Variants in SUSD1 observed in about 807,000 individuals in gnomAD.
The protein encoded by SUSD1 is sushi domain containing 1.
SUSD1 carries 65 observed loss-of-function variants against 86.9 expected under a neutral mutation model. The observed-to-expected ratio is 0.75, with a 90% CI of 0.61 to 0.92. SUSD1 has a LOEUF of 0.92. SUSD1 is among the 40% of genes least tolerant of loss of function. The pLI is 0.00. For synonymous variants in SUSD1, 346 were observed against 350.0 expected (o/e 0.99, Z 0.13); for missense variants, 850 against 929.7 (o/e 0.91, Z 1.11).
At chr9:112,148,566 C>A (rs530078543) in intron 3 of SUSD1, among the ~76,000 whole-genome samples, 10 of 152,100 alleles carry the variant, frequency 6.6e-5, no homozygotes, top group Non-Finnish European at 1.3e-4. Context: ...TTACAGGAAC[C>A]TGCAGGAGGC....
At chr9:112,044,487 G>A (rs1827873158) in intron 15 of SUSD1, among the ~76,000 whole-genome samples, 1 of 152,242 alleles carries the variant, frequency 6.6e-6, no homozygotes, top group South Asian at 2.1e-4. Context: ...GCCTGGCACA[G>A]AATAAGCAAT....
At chr9:112,161,440 T>G (rs1234676811) in intron 1 of SUSD1, among the ~76,000 whole-genome samples, 2 of 151,678 alleles carry the variant, frequency 1.3e-5, no homozygotes, top group Non-Finnish European at 2.9e-5. Context: ...TTCTAAATAA[T>G]GGATCCTGGG....
At chr9:112,099,439 A>AG (rs1830535415) in intron 9 of SUSD1, among the ~76,000 whole-genome samples, 2 of 152,068 alleles carry the variant, frequency 1.3e-5, no homozygotes, top group Non-Finnish European at 1.5e-5. Flanking sequence ...TACCCATGGA[A>AG]GAAAAAAAAA....
rs868022554 is a variant in SUSD1, at chr9:112,056,981, C to A, written c.2109+1447G>T. On this transcript the variant is annotated intron_variant, in intron 14 of 16. Transcript: ENST00000374270. ...CACCACCCAACCCCTGCCCCAAATT[C>A]AAATGTCGAAGCCCTAACCTACAAT... Among the ~76,000 whole-genome samples, 3 of 152,286 alleles carry A rather than the reference C, an allele frequency of 2.0e-5. No individual in the cohort carries two copies. In the South Asian group the frequency reaches 6.2e-4, roughly 32 times the overall value.
chr9:112,126,381 G>T (rs1831773460), intron 5 of SUSD1, among the ~76,000 whole-genome samples: 1 of 152,164 alleles, frequency 6.6e-6, no homozygotes, highest in African/African-American at 2.4e-5. Context: ...AACTAGATTG[G>T]CTTCCATCTT....
intron 2 of SUSD1, among the ~76,000 whole-genome samples, chr9:112,156,792 T>C (rs1833347548): frequency 1.3e-5 from 2 of 152,108 alleles, no homozygotes; most frequent in Non-Finnish European, 2.9e-5. Context: ...AACTGTAAGG[T>C]AAAACCATCA....
chr9:112,072,861 C>A (rs767775141), intron 12 of SUSD1, among the ~76,000 whole-genome samples: 1 of 152,244 alleles, frequency 6.6e-6, no homozygotes, highest in Non-Finnish European at 1.5e-5. Flanking sequence ...GGCATGAAGG[C>A]CAGTCCCTCT....
chr9:112,120,634 G>T (rs1831513837), intron 6 of SUSD1, among the ~76,000 whole-genome samples: 1 of 152,216 alleles, frequency 6.6e-6, no homozygotes, highest in Non-Finnish European at 1.5e-5. Flanking sequence ...ATCAAAGCTT[G>T]CATAAACCCA....
At chr9:112,065,985 A>C (rs10759523) in intron 12 of SUSD1, among the ~76,000 whole-genome samples, 107,140 of 152,104 alleles carry the variant, frequency 0.7, 38,878 homozygotes, top group African/African-American at 0.89. Context: ...TTCAACAAAT[A>C]CTCACAGCAG....
chr9:112,052,084 A>G lies in SUSD1; in HGVS notation c.2149+315T>C. On this transcript the variant is annotated intron_variant, in intron 15 of 16. Coordinates refer to ENST00000374270, the MANE Select transcript of SUSD1 (RefSeq NM_022486.5). ...CTCCCTCTCACATGTCCTACAGTAG[A>G]AGAAAACGAAGCCAAGTGACTCTTA... 5.5e-6 allele frequency: 7 copies of G among 1,263,312 alleles called. No individual in the cohort carries two copies. The South Asian group carries it at 8.0e-5, about 14-fold the overall frequency. 78.3% of individuals were successfully genotyped at this position (1,263,312 alleles called of 1,614,324 possible).
intron 5 of SUSD1, among the ~76,000 whole-genome samples, chr9:112,141,879 G>A (rs1271177475): frequency 7.3e-6 from 1 of 137,414 alleles, no homozygotes; most frequent in East Asian, 2.4e-4. Context: ...ATATATGTGT[G>A]TGTATATATA....
At chr9:112,052,924 G>C (rs1397479402) in intron 14 of SUSD1, among the ~76,000 whole-genome samples, 2 of 152,176 alleles carry the variant, frequency 1.3e-5, no homozygotes, top group African/African-American at 4.8e-5. Flanking sequence ...ATGTGTCCAT[G>C]AACCGGGAAG....
At chr9:112,147,509 G>A (rs563276431) in intron 3 of SUSD1, among the ~76,000 whole-genome samples, 6 of 147,982 alleles carry the variant, frequency 4.1e-5, no homozygotes, top group South Asian at 4.3e-4. Flanking sequence ...AGTGGCTCAC[G>A]CCTGTAATCC....
At position 112,175,248 on chromosome 9, in the gene SUSD1, C is replaced by A; in HGVS notation, c.-13G>T. The A allele has an allele frequency of 1.7e-6, 2 of 1,150,844 alleles. No individual in the cohort carries two copies. The highest frequency in any genetic ancestry group is 8.5e-5 in the South Asian group (2 of 23,522). The allele number at this position is 1,150,844 out of a possible 1,614,324, so 71.3% of individuals were successfully genotyped here. A position where few individuals can be genotyped will look rare whatever the true frequency, so the allele number is the denominator to read the frequency against. ...GCCCCCGGCCCATGCCGCCGCCGGTCCCTCCCGGCGCGCCCGCGCCTCCTC... is the reference window on the plus strand; with the variant it reads ...GCCCCCGGCCCATGCCGCCGCCGGTACCTCCCGGCGCGCCCGCGCCTCCTC... On this transcript the variant is annotated 5_prime_UTR_variant, in exon 1 of 17. Coordinates refer to ENST00000374270, the MANE Select transcript of SUSD1 (RefSeq NM_022486.5). The surrounding 1 kb of genome is among the most constrained non-coding windows in gnomAD (Gnocchi z 4.7).
At position 112,098,593 on chromosome 9, in the gene SUSD1, TC is replaced by T; in HGVS notation, c.1350del (p.Arg451GlyfsTer6). The T allele has an allele frequency of 6.2e-7, 1 of 1,614,196 alleles. No homozygotes were observed. The highest frequency in any genetic ancestry group is 1.1e-5 in the South Asian group (1 of 91,086). ...FSHATSFNFTTREQVPVVCLD... is the reference protein window; with the variant it reads ...FSHATSFNFTXREQVPVVCLD... ...AAACACACTACAGGCACTTGTTCCC[TC>T]GTTGTGAAGTTAAACGATGTTGCAT... On this transcript the variant is annotated frameshift_variant, in exon 10 of 17. Transcript: ENST00000374270. LOFTEE classifies it high-confidence loss of function.
Position 112,047,765 on chromosome 9 carries a change from G to T in SUSD1, c.2149+4634C>A, listed in dbSNP as rs116044713. On this transcript the variant is annotated intron_variant, in intron 15 of 16. Coordinates refer to ENST00000374270, the MANE Select transcript of SUSD1 (RefSeq NM_022486.5). ...TTTCTTGCTTCCTGTGTCATCACAT[G>T]ATCTCTTTGTATATACCTGCTGGCT... Among the ~76,000 whole-genome samples, 181 of 152,288 alleles carry T rather than the reference G, an allele frequency of 1.2e-3. 1 individual carries two copies. Among genetic ancestry groups the T allele is most frequent in the African/African-American group, 4.2e-3 (173 of 41,554 alleles).
chr9:112,078,709 G>T lies in SUSD1; in HGVS notation c.1582C>A (p.Gln528Lys). The part of the protein sequence containing the change: ...EEMYLFHIWG[Q>K]RWYQKEFAQE... ...GCAAATTCCTTCTGATACCATCTCT[G>T]GCCCCAAATGTGGAACTGAAACATA... is the stretch of plus-strand genomic sequence containing the variant. Residue 528 changes from glutamine (Q) to lysine (K), a missense_variant, in exon 12 of 17, where the codon CAG becomes AAG. Physicochemically the swap from Gln to Lys is moderately conservative, Grantham distance 53 (BLOSUM62 1). Coordinates refer to ENST00000374270, the MANE Select transcript of SUSD1 (RefSeq NM_022486.5). The T allele has an allele frequency of 6.2e-7, 1 of 1,612,382 alleles. No individual in the cohort carries two copies. Among genetic ancestry groups the T allele is most frequent in the Non-Finnish European group, 8.5e-7 (1 of 1,178,752 alleles).
intron 7 of SUSD1, 86 bp from the exon 8 acceptor site, chr9:112,111,926 A>T: frequency 7.3e-7 from 1 of 1,364,114 alleles, no homozygotes; most frequent in Non-Finnish European, 1.0e-6. Context: ...TTCTCCTACT[A>T]TTCTATTTTA....
chr9:112,061,120 G>A (rs750474777), intron 13 of SUSD1, among the ~76,000 whole-genome samples: 20 of 152,268 alleles, frequency 1.3e-4, no homozygotes, highest in Admixed American at 1.3e-4. Context: ...TGGCAATGTG[G>A]GAGACACGAG....
Sources: gnomAD v4.1 joint callset for allele counts (sites outside exome capture counted in the v4.1 genomes callset) on GRCh38, gnomAD v4.1.1 for gene constraint, Gnocchi (gnomAD v3.1) non-coding constraint, MANE v1.5 for transcripts, NCBI Gene and HGNC (gene_info 2026-07-23, HGNC 2026-07-21) for gene names.